Variants in HERC4 observed in about 807,000 individuals in gnomAD.
The protein encoded by HERC4 is probable E3 ubiquitin-protein ligase HERC4.
In HERC4, 28 loss-of-function variants were observed where a neutral mutation model predicts 124.3. That is an observed-to-expected ratio of 0.23 (90% confidence interval 0.17 to 0.31). The LOEUF (loss-of-function observed/expected upper bound fraction) is 0.31, where lower values mean the gene tolerates loss of function less well. Ranked by LOEUF, HERC4 falls within the 10% of genes least tolerant of loss-of-function variation. The pLI is 1.00. For missense variants in HERC4, 713 were observed against 1,229.3 expected, an observed-to-expected ratio of 0.58 and a Z score of 6.28; for synonymous variants, 407 against 421.5, an observed-to-expected ratio of 0.97 and a Z score of 0.42.
At chr10:67,964,896 CCA>C (rs1307555716) in intron 16 of HERC4, 1 of 152,336 alleles carries the variant, frequency 6.6e-6, no homozygotes, top group Non-Finnish European at 1.5e-5. Flanking sequence ...CCTCAGCCTT[CCA>C]AGTAGCTGGG....
intron 9 of HERC4, chr10:67,995,306 A>C (rs1479513768): frequency 2.2e-6 from 1 of 454,756 alleles, no homozygotes; most frequent in Non-Finnish European, 4.4e-6. Context: ...TAGGTTGAAA[A>C]ATTAAGTGTT....
At chr10:67,972,303 C>T (rs2035287989) in intron 15 of HERC4, among the ~76,000 whole-genome samples, 1 of 150,428 alleles carries the variant, frequency 6.6e-6, no homozygotes. Context: ...GGGCAGATCA[C>T]CTGAGGTCGG....
chr10:67,966,841 T>C (rs1388043926), intron 15 of HERC4, 39 bp from the exon 16 acceptor site: 1 of 1,468,748 alleles, frequency 6.8e-7, no homozygotes, highest in Admixed American at 2.5e-5. Context: ...ATTTAACCAG[T>C]ACTCAAGACA....
intron 23 of HERC4, among the ~76,000 whole-genome samples, chr10:67,928,567 C>T (rs2031412609): frequency 6.6e-6 from 1 of 152,072 alleles, no homozygotes; most frequent in Non-Finnish European, 1.5e-5. Context: ...AACCTTCATC[C>T]CTGCCATTAA....
intron 9 of HERC4, 106 bp downstream of exon 9, chr10:68,013,920 A>T: frequency 1.0e-6 from 1 of 973,022 alleles, no homozygotes; most frequent in Non-Finnish European, 1.5e-6. Flanking sequence ...GTTTTCACTT[A>T]ACAATGTATC....
intron 7 of HERC4, among the ~76,000 whole-genome samples, chr10:68,028,638 C>T (rs142848556): frequency 0.014 from 2,072 of 152,150 alleles, 20 homozygotes; most frequent in Non-Finnish European, 0.019. Flanking sequence ...ACCTTTCACT[C>T]GTTATGGCAA....
At chr10:67,981,239 G>A (rs998253454) in intron 15 of HERC4, among the ~76,000 whole-genome samples, 2 of 152,164 alleles carry the variant, frequency 1.3e-5, no homozygotes, top group South Asian at 4.1e-4. Context: ...GGCAGGAGTA[G>A]CTACCATATC....
chr10:67,992,464 C>T, intron 10 of HERC4, 141 bp from the exon 11 acceptor site: 1 of 1,207,598 alleles, frequency 8.3e-7, no homozygotes. Flanking sequence ...TCAAATAGAT[C>T]AGAAAAAACT....
chr10:68,027,926 AAAGAAAAAAATTATATATATATATC>A (rs2038986925), intron 7 of HERC4, among the ~76,000 whole-genome samples: 1 of 149,538 alleles, frequency 6.7e-6, no homozygotes, highest in Non-Finnish European at 1.5e-5. Flanking sequence ...TCCATCTCAA[AAAGAAAAAAATTATATATATATATC>A]ACATATTTTT....
intron 16 of HERC4, chr10:67,959,072 A>G (rs1258403398): frequency 1.3e-6 from 2 of 1,550,362 alleles, no homozygotes; most frequent in African/African-American, 2.7e-5. Context: ...AAAATGGAGT[A>G]TATTTTACTC....
intron 5 of HERC4, among the ~76,000 whole-genome samples, chr10:68,034,821 CT>C (rs1178913773): frequency 1.5e-3 from 221 of 145,312 alleles, no homozygotes; most frequent in Admixed American, 1.7e-3. Flanking sequence ...ACTCCTCTCT[CT>C]TTTTTTTTTT....
In HERC4 at chr10:67,940,642, C is replaced by T. The variant is rs1019683009; in HGVS notation, c.2504+297G>A. ...CCATGTTGGTCATACTAGTCTCGAA[C>T]TCCTGACCTCCACGCTGGTCTCAAA... On this transcript the variant is annotated intron_variant, in intron 20 of 24. Transcript: ENST00000373700. Among the ~76,000 whole-genome samples the T allele has an allele frequency of 2.0e-5, 3 of 152,066 alleles. No individual in the cohort carries two copies. The East Asian group carries it at 5.8e-4, about 29-fold the overall frequency.
At chr10:68,068,531 A>AT (rs1006606325) in intron 3 of HERC4, 1 of 156,902 alleles carries the variant, frequency 6.4e-6, no homozygotes, top group African/African-American at 2.4e-5. Context: ...ATGGTGGCAC[A>AT]TAAGTGTAGT....
intron 1 of HERC4, chr10:68,073,998 A>AATCTATATCT (rs1257811029): frequency 6.6e-6 from 1 of 152,214 alleles, no homozygotes; most frequent in East Asian, 1.9e-4. Flanking sequence ...ACCCGTGGGC[A>AATCTATATCT]ATCTATATCT....
intron 8 of HERC4, among the ~76,000 whole-genome samples, chr10:68,024,740 CAAAATT>C (rs1427240332): frequency 1.3e-5 from 2 of 152,092 alleles, no homozygotes; most frequent in African/African-American, 4.8e-5. Context: ...GCAAGGTGAT[CAAAATT>C]AAGTTATGTG....
chr10:68,019,896 A>G (rs1408216423), intron 8 of HERC4, among the ~76,000 whole-genome samples: 1 of 151,944 alleles, frequency 6.6e-6, no homozygotes, highest in African/African-American at 2.4e-5. Context: ...ACTGTTGTAT[A>G]CTCTCCCATT....
chr10:67,926,629 C>T (rs913445784), intron 23 of HERC4, among the ~76,000 whole-genome samples: 2 of 152,056 alleles, frequency 1.3e-5, no homozygotes, highest in African/African-American at 4.8e-5. Flanking sequence ...TAATTTTTAC[C>T]CTTTTAGGGC....
In HERC4 at chr10:68,071,548, C is replaced by A. The variant is rs139743497; in HGVS notation, c.226+1335G>T. Among the ~76,000 whole-genome samples the A allele has an allele frequency of 2.6e-5, 4 of 152,308 alleles. No individual in the cohort carries two copies. In the East Asian group the frequency reaches 7.7e-4, roughly 29 times the overall value. On this transcript the variant is annotated intron_variant, in intron 3 of 24. Transcript: ENST00000373700. Reference sequence around the variant, plus strand: ...GTACCATGAAAATCTCAACCTGAGGCAGCATTCCAAGCTAAGCAAAAATAG... The same window carrying A: ...GTACCATGAAAATCTCAACCTGAGGAAGCATTCCAAGCTAAGCAAAAATAG...
chr10:68,007,384 T>C (rs1169616843), intron 9 of HERC4, among the ~76,000 whole-genome samples: 2 of 152,128 alleles, frequency 1.3e-5, no homozygotes, highest in Non-Finnish European at 2.9e-5. Flanking sequence ...TTCAGTTTAG[T>C]TGAGATTTCT....
Sources: allele counts gnomAD v4.1 joint callset (sites outside exome capture counted in the v4.1 genomes callset), GRCh38; gene constraint gnomAD v4.1.1; transcripts MANE v1.5; gene names NCBI Gene and HGNC (gene_info 2026-07-23, HGNC 2026-07-21).